Variants in KIT observed in about 807,000 individuals in gnomAD.
KIT encodes KIT proto-oncogene, receptor tyrosine kinase.
A neutral mutation model predicts 105.7 loss-of-function variants in KIT; 16 were observed. That is an observed-to-expected ratio of 0.15 (90% CI 0.10 to 0.23). KIT has a LOEUF of 0.23. KIT is among the 10% of genes least tolerant of loss of function. The pLI, the probability that KIT is intolerant of heterozygous loss-of-function variation, is 1.00. For synonymous variants in KIT, 438 were observed against 441.1 expected (o/e 0.99, Z 0.09); for missense variants, 858 against 1,213.8 (o/e 0.71, Z 4.36).
intron 1 of KIT, among the ~76,000 whole-genome samples, chr4:54,669,717 A>G (rs1396284318): frequency 6.6e-6 from 1 of 151,844 alleles, no homozygotes; most frequent in Admixed American, 6.6e-5. Flanking sequence ...AAAAAAAAAA[A>G]AAAGAAAGAT....
intron 7 of KIT, among the ~76,000 whole-genome samples, chr4:54,711,524 A>G (rs1721158107): frequency 6.6e-6 from 1 of 152,242 alleles, no homozygotes; most frequent in Admixed American, 6.5e-5. Flanking sequence ...CAAGGGAAAC[A>G]TTAATTATTA....
intron 1 of KIT, among the ~76,000 whole-genome samples, chr4:54,662,415 G>C (rs1433132946): frequency 6.6e-6 from 1 of 152,168 alleles, no homozygotes; most frequent in Non-Finnish European, 1.5e-5. Context: ...GCCAGTAAAT[G>C]TGTTGCTACA....
At chr4:54,688,569 G>A (rs929490254) in intron 1 of KIT, among the ~76,000 whole-genome samples, 3 of 152,160 alleles carry the variant, frequency 2.0e-5, no homozygotes, top group Admixed American at 6.5e-5. Context: ...TTAGCCTTTT[G>A]TGAAGGATAG....
intron 7 of KIT, among the ~76,000 whole-genome samples, chr4:54,713,970 T>C (rs1344971462): frequency 6.6e-6 from 1 of 152,186 alleles, no homozygotes; most frequent in African/African-American, 2.4e-5. Flanking sequence ...ATGGTTGCCA[T>C]CTTTGAGTAG....
At chr4:54,714,791 T>A (rs1721363955) in intron 7 of KIT, among the ~76,000 whole-genome samples, 1 of 152,232 alleles carries the variant, frequency 6.6e-6, no homozygotes, top group Non-Finnish European at 1.5e-5. Flanking sequence ...GCTTATCCTT[T>A]AATGACGAGC....
chr4:54,710,844 T>G (rs1032985212), intron 7 of KIT, among the ~76,000 whole-genome samples: 1 of 152,080 alleles, frequency 6.6e-6, no homozygotes, highest in African/African-American at 2.4e-5. Flanking sequence ...CCCAGCTAGA[T>G]GTTTTGTTTG....
At chr4:54,725,575 A>G (rs1722162402) in intron 8 of KIT, among the ~76,000 whole-genome samples, 2 of 152,268 alleles carry the variant, frequency 1.3e-5, no homozygotes, top group South Asian at 4.1e-4. Context: ...GGGTATTACT[A>G]TCCCTGTTTT....
intron 1 of KIT, among the ~76,000 whole-genome samples, chr4:54,674,039 A>C (rs1485446013): frequency 2.0e-5 from 3 of 152,156 alleles, no homozygotes; most frequent in African/African-American, 7.2e-5. Context: ...CCAAAGTGCC[A>C]GGATTACAGG....
chr4:54,674,153 C>T (rs1718308348), intron 1 of KIT, among the ~76,000 whole-genome samples: 1 of 152,122 alleles, frequency 6.6e-6, no homozygotes, highest in Non-Finnish European at 1.5e-5. Flanking sequence ...TCCCTACCCA[C>T]ACTGCTTACC....
intron 1 of KIT, among the ~76,000 whole-genome samples, chr4:54,676,980 G>A (rs1030049099): frequency 3.9e-5 from 6 of 151,982 alleles, no homozygotes; most frequent in East Asian, 1.9e-4. Flanking sequence ...ATTGTACAGC[G>A]TGCTTGTTCG....
chr4:54,740,613 G>A lies in KIT; in HGVS notation c.*2056G>A, dbSNP rs567475861. The A allele has an allele frequency of 2.1e-4, 50 of 232,804 alleles. No individual in the cohort carries two copies. Among genetic ancestry groups the A allele is most frequent in the Non-Finnish European group, 3.4e-4 (40 of 117,590 alleles). The allele number at this position is 232,804 out of a possible 1,614,324, so 14.4% of individuals were successfully genotyped here. On this transcript the variant is annotated 3_prime_UTR_variant, in exon 21 of 21. Transcript: ENST00000288135. ...CTTTATGTGTAAATACATAAGCGGC[G>A]TAAGTTTAAAGGATGTTGGTGTTCC...
intron 13 of KIT, among the ~76,000 whole-genome samples, chr4:54,729,104 T>C (rs1186272917): frequency 6.6e-6 from 1 of 152,210 alleles, no homozygotes; most frequent in Admixed American, 6.5e-5. Flanking sequence ...CTCCAAATAC[T>C]AATGTCACTT....
chr4:54,716,262 GC>G (rs1721491600), intron 7 of KIT, among the ~76,000 whole-genome samples: 1 of 152,068 alleles, frequency 6.6e-6, no homozygotes, highest in Non-Finnish European at 1.5e-5. Context: ...TTATTTACTT[GC>G]TTTTGAGAGT....
At chr4:54,697,986 C>T (rs1317139135) in intron 2 of KIT, among the ~76,000 whole-genome samples, 1 of 152,146 alleles carries the variant, frequency 6.6e-6, no homozygotes, top group Admixed American at 6.5e-5. Context: ...GCTTTTATGA[C>T]ACCGCAGTTT....
intron 1 of KIT, among the ~76,000 whole-genome samples, chr4:54,683,346 T>G (rs1171363693): frequency 1.3e-5 from 2 of 152,138 alleles, no homozygotes; most frequent in African/African-American, 4.8e-5. Flanking sequence ...AGCAAAAGTA[T>G]GCAGTTATGG....
At chr4:54,722,595 CCTGTTGCTT>C (rs1721946558) in intron 7 of KIT, among the ~76,000 whole-genome samples, 1 of 152,018 alleles carries the variant, frequency 6.6e-6, no homozygotes, top group Admixed American at 6.6e-5. Context: ...TCCCTGCCAT[CCTGTTGCTT>C]CTGTTGAGCT....
chr4:54,700,192 C>T (rs529233415), intron 4 of KIT, among the ~76,000 whole-genome samples: 10 of 152,170 alleles, frequency 6.6e-5, no homozygotes, highest in Non-Finnish European at 1.3e-4. Flanking sequence ...CTCAATTATT[C>T]ACCAGAAAAC....
chr4:54,702,926 G>A (rs902406094), intron 4 of KIT, among the ~76,000 whole-genome samples: 6 of 152,080 alleles, frequency 3.9e-5, no homozygotes, highest in African/African-American at 7.2e-5. Context: ...ATTGTAATAG[G>A]AGTGTGTGTA....
chr4:54,658,176 A>C (rs1027050476), intron 1 of KIT, 95 bp downstream of exon 1: 1 of 1,271,064 alleles, frequency 7.9e-7, no homozygotes, highest in African/African-American at 1.5e-5. Flanking sequence ...CGGAGAGAGG[A>C]CTGCGGGCCC....
Sources: allele counts gnomAD v4.1 joint callset (sites outside exome capture counted in the v4.1 genomes callset), GRCh38; gene constraint gnomAD v4.1.1; transcripts MANE v1.5; gene names NCBI Gene and HGNC (gene_info 2026-07-23, HGNC 2026-07-21).